Variants in SLC38A4 observed in about 807,000 individuals in gnomAD.
SLC38A4 encodes the protein sodium-coupled neutral amino acid transporter 4.
In SLC38A4, 20 loss-of-function variants were observed where a neutral mutation model predicts 63.1. That is an observed-to-expected ratio of 0.32 (90% CI 0.22 to 0.46). The LOEUF (loss-of-function observed/expected upper bound fraction) is 0.46, where lower values mean the gene tolerates loss of function less well. Ranked by LOEUF, SLC38A4 falls within the 20% of genes least tolerant of loss-of-function variation. The pLI is 1.00. For synonymous variants in SLC38A4, 230 were observed against 225.5 expected (o/e 1.02, Z -0.18); for missense variants, 526 against 663.6 (o/e 0.79, Z 2.28).
chr12:46,818,987 C>A (rs1565679009), intron 1 of SLC38A4, among the ~76,000 whole-genome samples: 1 of 151,430 alleles, frequency 6.6e-6, no homozygotes, highest in East Asian at 1.9e-4. Context: ...CCTGGAGGAT[C>A]CTCAGGGCAA....
At chr12:46,794,841 A>T (rs1938967172) in intron 2 of SLC38A4, among the ~76,000 whole-genome samples, 1 of 151,940 alleles carries the variant, frequency 6.6e-6, no homozygotes, top group Non-Finnish European at 1.5e-5. Flanking sequence ...CTCAGAATTT[A>T]AAAAAATAGC....
At chr12:46,775,597 A>G (rs910001341) in intron 13 of SLC38A4, among the ~76,000 whole-genome samples, 1 of 151,978 alleles carries the variant, frequency 6.6e-6, no homozygotes, top group Non-Finnish European at 1.5e-5. Context: ...CCCAGTGTGT[A>G]AACTCTAGGA....
intron 1 of SLC38A4, among the ~76,000 whole-genome samples, chr12:46,816,642 C>T (rs1939447234): frequency 6.6e-6 from 1 of 151,886 alleles, no homozygotes; most frequent in African/African-American, 2.4e-5. Context: ...AAGCCTACCA[C>T]ACTTGACTGT....
chr12:46,827,366 G>T (rs1240795570), upstream of SLC38A4, among the ~76,000 whole-genome samples: 2 of 152,134 alleles, frequency 1.3e-5, no homozygotes, highest in African/African-American at 4.8e-5. Flanking sequence ...ATGACCAAGA[G>T]TATTTTACAA....
chr12:46,770,159 G>T (rs555156916), intron 14 of SLC38A4, among the ~76,000 whole-genome samples: 1 of 152,028 alleles, frequency 6.6e-6, no homozygotes, highest in Non-Finnish European at 1.5e-5. Context: ...TAAAACCCTT[G>T]TTGATCACAA....
chr12:46,826,925 C>T (rs941644521), upstream of SLC38A4, among the ~76,000 whole-genome samples: 1 of 152,054 alleles, frequency 6.6e-6, no homozygotes, highest in African/African-American at 2.4e-5. Context: ...TATTTTCTGT[C>T]AAAAAACAGA....
chr12:46,831,891 T>C (rs1939736539), intron 1 of SLC38A4, among the ~76,000 whole-genome samples: 1 of 151,928 alleles, frequency 6.6e-6, no homozygotes, highest in African/African-American at 2.4e-5. Context: ...GCAGTCCCAA[T>C]ACAACCAACT....
rs558630534 is a variant in SLC38A4 at position 46,769,191 on chromosome 12, C to T, written c.1444+93G>A. ...GGGAATCCATGAGCCTGAGAAAGAA[C>T]GGGGATCTGGATGACCCAGCACTGG... On this transcript the variant is annotated intron_variant, in intron 15 of 16. Transcript: ENST00000266579. The T allele has an allele frequency of 1.4e-5, 19 of 1,375,804 alleles. 1 individual carries two copies. The highest frequency in any genetic ancestry group is 9.0e-5 in the South Asian group (7 of 77,972). The allele number at this position is 1,375,804 out of a possible 1,614,324, so 85.2% of individuals were successfully genotyped here.
In SLC38A4 at chr12:46,785,089, C is replaced by T. The variant is rs373080216; in HGVS notation, c.400+15G>A. 59 of 1,592,564 alleles carry T rather than the reference C, an allele frequency of 3.7e-5. No homozygotes were observed. Among genetic ancestry groups the T allele is most frequent in the Middle Eastern group, 3.3e-4 (2 of 6,032 alleles). On this transcript the variant is annotated intron_variant, in intron 6 of 16. Transcript: ENST00000266579. ...GAATTAAAATAGAATGTGTTGGACT[C>T]AAGTGGTAGCATACCTCCTTCCTTG...
At chr12:46,785,034 G>A in intron 6 of SLC38A4, 70 bp downstream of exon 6, 2 of 1,221,322 alleles carry the variant, frequency 1.6e-6, no homozygotes, top group Non-Finnish European at 2.4e-6. Flanking sequence ...CTAAGGTTAT[G>A]AAGCAACAGA....
intron 6 of SLC38A4, 53 bp downstream of exon 6, chr12:46,785,051 T>C (rs1415520063): frequency 8.0e-6 from 11 of 1,367,152 alleles, no homozygotes; most frequent in Non-Finnish European, 1.2e-5. Flanking sequence ...CAGACTGAAA[T>C]ACTCTTTTAT....
chr12:46,771,869 T>C (rs1345955008), intron 14 of SLC38A4, among the ~76,000 whole-genome samples: 3 of 152,208 alleles, frequency 2.0e-5, no homozygotes, highest in Admixed American at 6.6e-5. Flanking sequence ...TGTGCCTTTT[T>C]CTTTACTGAC....
chr12:46,769,323 T>G lies in SLC38A4; in HGVS notation c.1405A>C (p.Ile469Leu). Residue 469 changes from isoleucine (I) to leucine (L), a missense_variant, in exon 15 of 17, where the codon ATC becomes CTC. Transcript: ENST00000266579. ...ATGTATTTTATAGTTGGCACAAGGA[T>G]GACCAGAACATTATTAAGTGCAATA... ...VLIALNNVLV[I>L]LVPTIKYIFG... 1 of 1,613,428 alleles carries G rather than the reference T, an allele frequency of 6.2e-7. No homozygotes were observed. The highest frequency in any genetic ancestry group is 8.5e-7 in the Non-Finnish European group (1 of 1,179,532).
chr12:46,831,698 C>T (rs1328872535), intron 1 of SLC38A4, among the ~76,000 whole-genome samples: 2 of 152,242 alleles, frequency 1.3e-5, no homozygotes, highest in Non-Finnish European at 2.9e-5. Context: ...TCTGGGGCGA[C>T]CCAGCTATCA....
intron 1 of SLC38A4, among the ~76,000 whole-genome samples, chr12:46,808,107 AAAC>A (rs1196009374): frequency 6.6e-6 from 1 of 152,038 alleles, no homozygotes; most frequent in African/African-American, 2.4e-5. Context: ...CTATTTAACA[AAAC>A]AACATCTTAA....
chr12:46,816,080 A>T (rs571925050), intron 1 of SLC38A4, among the ~76,000 whole-genome samples: 10 of 152,082 alleles, frequency 6.6e-5, no homozygotes, highest in Middle Eastern at 3.4e-3. Context: ...TGTCTGCAAC[A>T]CAAAGAGTAT....
chr12:46,802,433 T>A (rs1481936807), intron 2 of SLC38A4, among the ~76,000 whole-genome samples: 1 of 152,004 alleles, frequency 6.6e-6, no homozygotes, highest in Non-Finnish European at 1.5e-5. Context: ...TCACTTTCTT[T>A]AAACTAACTC....
Position 46,778,343 on chromosome 12 carries a change from A to C in SLC38A4, c.1019T>G (p.Val340Gly). The C allele has an allele frequency of 6.2e-7, 1 of 1,612,746 alleles. No individual in the cohort carries two copies. Among genetic ancestry groups the C allele is most frequent in the Non-Finnish European group, 8.5e-7 (1 of 1,179,186 alleles). ...SRTAYAIPIL[V>G]FAFVCHPEVL... ...CTCAGGGTGGCATACAAAAGCAAAT[A>C]CTAGGATAGGAATTGCATAGGCCGT... Residue 340 changes from valine (V) to glycine (G), a missense_variant, in exon 12 of 17, where the codon GTA becomes GGA. Coordinates refer to ENST00000266579, the MANE Select transcript of SLC38A4 (RefSeq NM_018018.5).
At chr12:46,819,293 G>T (rs369067687) in intron 1 of SLC38A4, among the ~76,000 whole-genome samples, 3 of 151,444 alleles carry the variant, frequency 2.0e-5, no homozygotes, top group Non-Finnish European at 4.4e-5. Flanking sequence ...AACTAACTAA[G>T]GGGAGGGAGG....
Sources: gnomAD v4.1 joint callset for allele counts (sites outside exome capture counted in the v4.1 genomes callset) on GRCh38, gnomAD v4.1.1 for gene constraint, MANE v1.5 for transcripts, NCBI Gene and HGNC (gene_info 2026-07-23, HGNC 2026-07-21) for gene names.